The following PTPN13 variants were observed in gnomAD, a reference collection of about 807,000 sequenced individuals.
PTPN13 encodes the protein tyrosine-protein phosphatase non-receptor type 13.
In PTPN13, 191 loss-of-function variants were observed where a neutral mutation model predicts 284.0. That is an observed-to-expected ratio of 0.67 (90% CI 0.60 to 0.76). The LOEUF is 0.76. Among genes scored for constraint, PTPN13 ranks in the 30% least tolerant of loss-of-function variants. The pLI, the probability that PTPN13 is intolerant of heterozygous loss-of-function variation, is 0.00. For synonymous variants in PTPN13, 986 were observed against 1,022.3 expected (o/e 0.96, Z 0.68); for missense variants, 2,797 against 2,939.9 (o/e 0.95, Z 1.12).
chr4:86,800,657 A>AAGAAAGAG (rs70953603), intron 42 of PTPN13, among the ~76,000 whole-genome samples: 14,527 of 150,898 alleles, frequency 0.096, 827 homozygotes, highest in Non-Finnish European at 0.11. Flanking sequence ...GTCAGAAAGA[A>AAGAAAGAG]AGAAAGAGAG....
intron 24 of PTPN13, 83 bp from the exon 25 acceptor site, chr4:86,764,510 T>TA (rs34445013): frequency 3.6e-4 from 388 of 1,075,630 alleles, no homozygotes; most frequent in South Asian, 5.3e-4. Flanking sequence ...GGGCTAGGTT[T>TA]AAAAAAAAAG....
Position 86,732,639 on chromosome 4 carries a change from G to A in PTPN13, c.1731G>A (p.Met577Ile), listed in dbSNP as rs1489503094. The A allele has an allele frequency of 6.2e-7, 1 of 1,613,550 alleles. No homozygotes were observed. The highest frequency in any genetic ancestry group is 8.5e-7 in the Non-Finnish European group (1 of 1,179,638). Residue 577 changes from methionine to isoleucine, a missense_variant, in exon 12 of 48, where the codon ATG (methionine) becomes ATA (isoleucine). Met to Ile is a conservative substitution (Grantham distance 10). Coordinates refer to ENST00000411767, the MANE Select transcript of PTPN13 (RefSeq NM_080683.3). Reference sequence around the variant, plus strand: ...ATAACCGAAGGAAAGTAAACATAATGCTTCTGAACGGGCAAAGACTGGAAC... The same window carrying A: ...ATAACCGAAGGAAAGTAAACATAATACTTCTGAACGGGCAAAGACTGGAAC... ...NEDNRRKVNI[M>I]LLNGQRLELT...
chr4:86,770,692 TA>T (rs1273493898), intron 30 of PTPN13, among the ~76,000 whole-genome samples: 1 of 152,160 alleles, frequency 6.6e-6, no homozygotes, highest in Non-Finnish European at 1.5e-5. Context: ...ATTAGGCTAT[TA>T]AAAATGGCCT....
At chr4:86,693,766 A>C (rs1409923508) in intron 6 of PTPN13, 92 bp downstream of exon 6, 4 of 820,270 alleles carry the variant, frequency 4.9e-6, no homozygotes, top group Non-Finnish European at 7.2e-6. Flanking sequence ...GAAATCTGGT[A>C]ATTGAGACTA....
chr4:86,786,653 A>G (rs534851931), intron 40 of PTPN13, among the ~76,000 whole-genome samples: 91 of 152,312 alleles, frequency 6.0e-4, no homozygotes, highest in African/African-American at 2.1e-3. Flanking sequence ...TAATTACAGT[A>G]AAAATAGGCT....
intron 47 of PTPN13, among the ~76,000 whole-genome samples, chr4:86,812,044 C>T (rs1348096855): frequency 6.6e-6 from 1 of 152,134 alleles, no homozygotes; most frequent in Non-Finnish European, 1.5e-5. Context: ...GGCGCGGTGG[C>T]TCACGCCTGT....
At chr4:86,712,583 C>T (rs1732544161) in intron 7 of PTPN13, among the ~76,000 whole-genome samples, 1 of 152,008 alleles carries the variant, frequency 6.6e-6, no homozygotes, top group Non-Finnish European at 1.5e-5. Context: ...CCCACCCCTA[C>T]CCCAGTATTT....
In PTPN13 at chr4:86,686,748, G is replaced by A. The variant is rs1412802765; in HGVS notation, c.333G>A (p.Gly111=). The A allele has an allele frequency of 6.3e-7, 1 of 1,580,482 alleles. No individual in the cohort carries two copies. Among genetic ancestry groups the A allele is most frequent in the South Asian group, 1.2e-5 (1 of 84,914 alleles). The change falls in exon 4 of 48, where the codon GGG becomes GGA. Residue 111 remains glycine, a synonymous_variant. Transcript: ENST00000411767. ...IYSLGMTLYW[G]ADYEVPQSQP... ...CTCTTGGAATGACACTGTATTGGGG[G>A]GCTGATTATGAAGTGCCTCAGAGCC...
chr4:86,796,990 A>G (rs1743415936), intron 41 of PTPN13, 61 bp downstream of exon 41: 1 of 1,025,980 alleles, frequency 9.7e-7, no homozygotes, highest in South Asian at 1.5e-5. Flanking sequence ...TGCTCTGAAG[A>G]TTTCCATTTG....
intron 10 of PTPN13, among the ~76,000 whole-genome samples, chr4:86,731,832 G>A (rs1481448539): frequency 6.6e-6 from 1 of 152,050 alleles, no homozygotes; most frequent in African/African-American, 2.4e-5. Context: ...TGTAGAAACA[G>A]GGTCTAACTA....
At chr4:86,733,596 A>G (rs1323847164) in intron 12 of PTPN13, among the ~76,000 whole-genome samples, 1 of 151,928 alleles carries the variant, frequency 6.6e-6, no homozygotes, top group African/African-American at 2.4e-5. Flanking sequence ...GACTCATACA[A>G]TAAATAGTCA....
intron 2 of PTPN13, among the ~76,000 whole-genome samples, chr4:86,643,674 CCA>C (rs1724079959): frequency 6.6e-6 from 1 of 152,092 alleles, no homozygotes; most frequent in Admixed American, 6.5e-5. Flanking sequence ...ATACTCAGAA[CCA>C]CACACACTTC....
At chr4:86,691,734 G>T (rs141546341) in intron 5 of PTPN13, among the ~76,000 whole-genome samples, 1,721 of 152,218 alleles carry the variant, frequency 0.011, 9 homozygotes, top group Non-Finnish European at 0.013. Context: ...GGTAAATGAT[G>T]GAGACATAAT....
At chr4:86,674,094 G>GA (rs1357575609) in intron 3 of PTPN13, among the ~76,000 whole-genome samples, 2 of 152,152 alleles carry the variant, frequency 1.3e-5, no homozygotes, top group Non-Finnish European at 2.9e-5. Context: ...GTTTAAAATA[G>GA]AAGTATCCAG....
At chr4:86,640,810 A>G (rs985398620) in intron 2 of PTPN13, among the ~76,000 whole-genome samples, 10 of 152,228 alleles carry the variant, frequency 6.6e-5, no homozygotes, top group African/African-American at 2.4e-4. Context: ...TTGGCACATT[A>G]TAATTAAAAG....
chr4:86,689,170 GTTCTGGGAAATCT>G lies in PTPN13; in HGVS notation c.534_546del (p.Asn179GlnfsTer38), dbSNP rs1565329208. The G allele has an allele frequency of 6.2e-7, 1 of 1,613,140 alleles. No individual in the cohort carries two copies. The highest frequency in any genetic ancestry group is 1.7e-5 in the Admixed American group (1 of 60,000). On this transcript the variant is annotated frameshift_variant, in exon 5 of 48. Coordinates refer to ENST00000411767, the MANE Select transcript of PTPN13 (RefSeq NM_080683.3). LOFTEE classifies it high-confidence loss of function. ...CTACGTGAAACACTTGGTAAAACTG[GTTCTGGGAAATCT>G]TTCTGGGGTAAGCTACAGTTACAAT...
chr4:86,782,108 C>A, intron 36 of PTPN13, 93 bp from the exon 37 acceptor site: 1 of 836,280 alleles, frequency 1.2e-6, no homozygotes, highest in Non-Finnish European at 2.0e-6. Flanking sequence ...AAAATAACAA[C>A]ATCCCAGAAA....
intron 1 of PTPN13, among the ~76,000 whole-genome samples, chr4:86,602,731 C>T (rs1192672569): frequency 1.3e-5 from 2 of 150,476 alleles, no homozygotes; most frequent in African/African-American, 4.9e-5. Context: ...CTCAGTCACT[C>T]AGGCTGGAGT....
At chr4:86,668,070 G>T (rs566645803) in intron 2 of PTPN13, among the ~76,000 whole-genome samples, 1 of 152,170 alleles carries the variant, frequency 6.6e-6, no homozygotes, top group South Asian at 2.1e-4. Flanking sequence ...CCTTAACCTT[G>T]CCTCTAGCTG....
Sources: allele counts gnomAD v4.1 joint callset (sites outside exome capture counted in the v4.1 genomes callset), GRCh38; gene constraint gnomAD v4.1.1; transcripts MANE v1.5; gene names NCBI Gene and HGNC (gene_info 2026-07-23, HGNC 2026-07-21).